Variants in NXPH1 observed in about 807,000 individuals in gnomAD.
The protein encoded by NXPH1 is neurexophilin-1.
Under a neutral mutation model 23.7 loss-of-function variants are expected in NXPH1, and 5 were observed. The observed-to-expected ratio is 0.21, with a 90% CI of 0.11 to 0.44. The LOEUF (loss-of-function observed/expected upper bound fraction) is 0.44, where lower values mean the gene tolerates loss of function less well. Ranked by LOEUF, NXPH1 falls within the 20% of genes least tolerant of loss-of-function variation. NXPH1 has a pLI of 0.99. For synonymous variants in NXPH1, 144 were observed against 122.2 expected (o/e 1.18, Z -1.18); for missense variants, 324 against 321.6 (o/e 1.01, Z -0.06).
chr7:8,671,624 C>G (rs888902167), intron 2 of NXPH1, among the ~76,000 whole-genome samples: 2 of 151,784 alleles, frequency 1.3e-5, no homozygotes, highest in African/African-American at 4.9e-5. Flanking sequence ...TTTTTGAGGT[C>G]ATTTTAGGTC....
intron 2 of NXPH1, among the ~76,000 whole-genome samples, chr7:8,482,791 G>T (rs1563323450): frequency 6.6e-6 from 1 of 152,136 alleles, no homozygotes; most frequent in Non-Finnish European, 1.5e-5. Flanking sequence ...GAGAATAGTG[G>T]CCCAAGAGAC....
Position 8,610,966 on chromosome 7 carries a change from A to C in NXPH1, c.55-140042A>C, listed in dbSNP as rs145345445. ...AATAGCCATTAAGGGCCTAGGCAGC[A>C]CTTAACTTGAGTCACAATAGCACTG... On this transcript the variant is annotated intron_variant, in intron 2 of 2. Coordinates refer to ENST00000405863, the MANE Select transcript of NXPH1 (RefSeq NM_152745.3). Among the ~76,000 whole-genome samples, 464 of 152,272 alleles carry C rather than the reference A, an allele frequency of 3.0e-3. 4 individuals carry two copies. The highest frequency in any genetic ancestry group is 0.011 in the African/African-American group (450 of 41,570).
intron 2 of NXPH1, among the ~76,000 whole-genome samples, chr7:8,627,596 A>G (rs949070175): frequency 2.6e-5 from 4 of 152,160 alleles, no homozygotes; most frequent in Admixed American, 6.6e-5. Context: ...TATTACTGAC[A>G]CTGAAGAAAT....
chr7:8,742,416 T>C (rs1780382242), intron 2 of NXPH1, among the ~76,000 whole-genome samples: 1 of 152,078 alleles, frequency 6.6e-6, no homozygotes, highest in African/African-American at 2.4e-5. Flanking sequence ...AAAACGTATA[T>C]AAAATGTAAA....
chr7:8,743,763 A>G (rs112519637), intron 2 of NXPH1, among the ~76,000 whole-genome samples: 1 of 150,428 alleles, frequency 6.6e-6, no homozygotes, highest in South Asian at 2.1e-4. Context: ...GGTTCACTGC[A>G]AGCTCCGCCT....
intron 2 of NXPH1, among the ~76,000 whole-genome samples, chr7:8,706,265 TTTGA>T (rs1429785933): frequency 6.6e-6 from 1 of 152,200 alleles, no homozygotes; most frequent in South Asian, 2.1e-4. Flanking sequence ...TCATAAACTA[TTTGA>T]TTGGGCATGT....
At chr7:8,519,722 T>G (rs1412847924) in intron 2 of NXPH1, among the ~76,000 whole-genome samples, 1 of 152,152 alleles carries the variant, frequency 6.6e-6, no homozygotes, top group Non-Finnish European at 1.5e-5. Context: ...TTGAAAGCCA[T>G]GCATGGGCTG....
chr7:8,464,957 A>G (rs740097), intron 2 of NXPH1, among the ~76,000 whole-genome samples: 90,256 of 151,902 alleles, frequency 0.59, 29,463 homozygotes, highest in African/African-American at 0.87. Context: ...AATGAGGGAG[A>G]GAAGGACCAA....
chr7:8,683,274 A>T (rs2115178413), intron 2 of NXPH1, among the ~76,000 whole-genome samples: 1 of 152,380 alleles, frequency 6.6e-6, no homozygotes, highest in South Asian at 2.1e-4. Context: ...CAAGCCATTC[A>T]TCAGGGATCC....
At chr7:8,627,736 TA>T (rs546412260) in intron 2 of NXPH1, among the ~76,000 whole-genome samples, 1 of 151,828 alleles carries the variant, frequency 6.6e-6, no homozygotes, top group Non-Finnish European at 1.5e-5. Flanking sequence ...TTCAATGGAT[TA>T]AAAAAAATAA....
chr7:8,610,088 G>A (rs1324182416), intron 2 of NXPH1, among the ~76,000 whole-genome samples: 1 of 152,128 alleles, frequency 6.6e-6, no homozygotes, highest in African/African-American at 2.4e-5. Context: ...AATGGAAATT[G>A]CTAACAGAAA....
chr7:8,459,814 A>G (rs75398054), intron 2 of NXPH1, among the ~76,000 whole-genome samples: 3,952 of 152,320 alleles, frequency 0.026, 81 homozygotes, highest in South Asian at 0.042. Flanking sequence ...ACAGAAAGCA[A>G]TATAGACCCA....
chr7:8,674,860 G>A (rs1208282286), intron 2 of NXPH1, among the ~76,000 whole-genome samples: 3 of 152,158 alleles, frequency 2.0e-5, no homozygotes, highest in Admixed American at 6.6e-5. Context: ...AGGTATGAAT[G>A]CTCATCAGGA....
chr7:8,658,555 G>A (rs191500181), intron 2 of NXPH1, among the ~76,000 whole-genome samples: 98 of 152,282 alleles, frequency 6.4e-4, no homozygotes, highest in Middle Eastern at 3.4e-3. Context: ...GAATAACTGT[G>A]ACCACATTCA....
intron 2 of NXPH1, among the ~76,000 whole-genome samples, chr7:8,509,393 A>G (rs964448469): frequency 6.6e-6 from 1 of 152,126 alleles, no homozygotes; most frequent in Non-Finnish European, 1.5e-5. Flanking sequence ...TTTTCCAAAG[A>G]CAGTGTTAAC....
intron 2 of NXPH1, among the ~76,000 whole-genome samples, chr7:8,528,343 T>C (rs1184080633): frequency 6.6e-6 from 1 of 152,226 alleles, no homozygotes; most frequent in Non-Finnish European, 1.5e-5. Flanking sequence ...CCCATGCAGC[T>C]TGGGGCTACA....
intron 2 of NXPH1, among the ~76,000 whole-genome samples, chr7:8,490,443 A>T (rs1817230131): frequency 6.6e-6 from 1 of 151,744 alleles, no homozygotes; most frequent in Admixed American, 6.6e-5. Context: ...TGTAAATTTA[A>T]TTAGCTGATT....
At chr7:8,619,148 C>T (rs1819809626) in intron 2 of NXPH1, among the ~76,000 whole-genome samples, 1 of 152,112 alleles carries the variant, frequency 6.6e-6, no homozygotes, top group Non-Finnish European at 1.5e-5. Context: ...CCTTGGCGAA[C>T]GTTTCTGCTT....
chr7:8,553,825 C>T (rs1818313883), intron 2 of NXPH1, among the ~76,000 whole-genome samples: 1 of 151,632 alleles, frequency 6.6e-6, no homozygotes, highest in Non-Finnish European at 1.5e-5. Flanking sequence ...ATAAAACAAA[C>T]TACAGGTTTC....
Sources: allele counts gnomAD v4.1 joint callset (sites outside exome capture counted in the v4.1 genomes callset), GRCh38; gene constraint gnomAD v4.1.1; transcripts MANE v1.5; gene names NCBI Gene and HGNC (gene_info 2026-07-23, HGNC 2026-07-21).